Variants in MFHAS1 observed in about 807,000 individuals in gnomAD.
MFHAS1 encodes the protein malignant fibrous histiocytoma-amplified sequence 1.
Under a neutral mutation model 70.4 loss-of-function variants are expected in MFHAS1, and 50 were observed. The ratio of observed to expected loss-of-function variants is 0.71; its 90% CI spans 0.57 to 0.90. The LOEUF is 0.90. Among genes scored for constraint, MFHAS1 ranks in the 40% least tolerant of loss-of-function variants. MFHAS1 has a pLI of 0.00. For missense variants in MFHAS1, 1,795 were observed against 1,347.6 expected (o/e 1.33, Z -5.20); for synonymous variants, 952 against 620.0 (o/e 1.54, Z -7.96).
At chr8:8,883,693 G>C (rs35060319) in intron 1 of MFHAS1, among the ~76,000 whole-genome samples, 24,220 of 125,130 alleles carry the variant, frequency 0.19, 2,629 homozygotes, top group African/African-American at 0.3. Context: ...GGGCAACAGA[G>C]CGAGACTCAG....
intron 1 of MFHAS1, among the ~76,000 whole-genome samples, chr8:8,852,104 G>C (rs1563204225): frequency 1.3e-5 from 2 of 152,116 alleles, no homozygotes; most frequent in African/African-American, 4.8e-5. Flanking sequence ...CGCACCCTTA[G>C]CAGATATTCT....
rs1156579459 is a variant in MFHAS1, at chr8:8,796,696, A to AAAAAAAAAGGC, written c.3125+668_3125+669insGCCTTTTTTTT. Among the ~76,000 whole-genome samples, 12 of 97,408 alleles carry AAAAAAAAAGGC rather than the reference A, an allele frequency of 1.2e-4. 2 individuals are homozygous for AAAAAAAAAGGC. The highest frequency in any genetic ancestry group is 2.8e-4 in the Non-Finnish European group (12 of 42,990). 63.9% of individuals were successfully genotyped at this position (97,408 alleles called of 152,430 possible). On this transcript the variant is annotated intron_variant, in intron 2 of 2. Coordinates refer to ENST00000276282, the MANE Select transcript of MFHAS1 (RefSeq NM_004225.3). The stretch of plus-strand genomic sequence containing the variant: ...AAGACTCCGTCTCAAAACAAAAAAA[A>AAAAAAAAAGGC]AAAAAAAGGCAAAAAAAGGCCGGAC...
intron 1 of MFHAS1, among the ~76,000 whole-genome samples, chr8:8,888,601 T>C (rs531658160): frequency 6.6e-6 from 1 of 152,098 alleles, no homozygotes; most frequent in South Asian, 2.1e-4. Context: ...AACTAAAAAC[T>C]AGTTTGATAC....
intron 1 of MFHAS1, among the ~76,000 whole-genome samples, chr8:8,817,571 G>C (rs979581506): frequency 2.6e-5 from 4 of 152,204 alleles, no homozygotes; most frequent in Non-Finnish European, 2.9e-5. Flanking sequence ...AGTGCCCCTG[G>C]ACTCCATCCC....
At chr8:8,797,938 A>G (rs759310833) in intron 1 of MFHAS1, among the ~76,000 whole-genome samples, 4 of 152,246 alleles carry the variant, frequency 2.6e-5, no homozygotes, top group Non-Finnish European at 5.9e-5. Context: ...AGCCCTATAT[A>G]AATGATCTGG....
At chr8:8,853,387 C>T (rs1231346923) in intron 1 of MFHAS1, among the ~76,000 whole-genome samples, 1 of 149,070 alleles carries the variant, frequency 6.7e-6, no homozygotes, top group Non-Finnish European at 1.5e-5. Flanking sequence ...GGATCTGACT[C>T]GTAATTACAG....
Position 8,870,691 on chromosome 8 carries a change from G to C in MFHAS1, c.2998+19370C>G, listed in dbSNP as rs117005373. On this transcript the variant is annotated intron_variant, in intron 1 of 2. Coordinates refer to ENST00000276282, the MANE Select transcript of MFHAS1 (RefSeq NM_004225.3). ...CAGATTCCATCCCGCAGGCCTCTCC[G>C]AGCCCCTGGAGATCTTTTTCTCCTG... Among the ~76,000 whole-genome samples the C allele has an allele frequency of 1.3e-3, 194 of 151,958 alleles. 3 individuals are homozygous for C. The East Asian group carries it at 0.03, about 24-fold the overall frequency.
chr8:8,886,534 C>G (rs143255338), intron 1 of MFHAS1, among the ~76,000 whole-genome samples: 4 of 152,126 alleles, frequency 2.6e-5, no homozygotes, highest in Non-Finnish European at 5.9e-5. Context: ...CCGTGGTCAA[C>G]TACAGTAGGG....
At chr8:8,798,929 T>C (rs908614915) in intron 1 of MFHAS1, among the ~76,000 whole-genome samples, 1 of 152,058 alleles carries the variant, frequency 6.6e-6, no homozygotes, top group Admixed American at 6.6e-5. Context: ...GTGCCTGTAG[T>C]CCCAGCTACC....
At chr8:8,887,077 A>G (rs1413355218) in intron 1 of MFHAS1, among the ~76,000 whole-genome samples, 1 of 152,194 alleles carries the variant, frequency 6.6e-6, no homozygotes, top group Admixed American at 6.6e-5. Context: ...CAGTGAGTCA[A>G]GATCACTCCA....
At chr8:8,828,208 G>T (rs893419327) in intron 1 of MFHAS1, among the ~76,000 whole-genome samples, 1 of 152,142 alleles carries the variant, frequency 6.6e-6, no homozygotes, top group Non-Finnish European at 1.5e-5. Flanking sequence ...ACAACCAAGA[G>T]AATAAATTAA....
rs1805525666 is a variant in MFHAS1 at position 8,785,926 on chromosome 8, A to T, written c.*96T>A. The T allele has an allele frequency of 1.5e-6, 2 of 1,316,248 alleles. No individual in the cohort carries two copies. Among genetic ancestry groups the T allele is most frequent in the Admixed American group, 1.7e-5 (1 of 59,294 alleles). The allele number at this position is 1,316,248 out of a possible 1,614,324, so 81.5% of individuals were successfully genotyped here. A position where few individuals can be genotyped will look rare whatever the true frequency, so the allele number is the denominator to read the frequency against. Reference sequence around the variant, plus strand: ...GCGTTGTCACTCAAGTTCACAGAACACGCTGGGGTGAGTGCAGAGGGTCTG... The same window carrying T: ...GCGTTGTCACTCAAGTTCACAGAACTCGCTGGGGTGAGTGCAGAGGGTCTG... On this transcript the variant is annotated 3_prime_UTR_variant, in exon 3 of 3. Transcript: ENST00000276282.
At chr8:8,884,642 C>T (rs1440806949) in intron 1 of MFHAS1, among the ~76,000 whole-genome samples, 1 of 152,116 alleles carries the variant, frequency 6.6e-6, no homozygotes, top group Non-Finnish European at 1.5e-5. Flanking sequence ...CTGGGATTTT[C>T]ACTGAGTGTG....
chr8:8,855,816 A>C (rs1483363174), intron 1 of MFHAS1, among the ~76,000 whole-genome samples: 1 of 152,228 alleles, frequency 6.6e-6, no homozygotes, highest in Non-Finnish European at 1.5e-5. Context: ...AGATCACGCC[A>C]CTGCACTCCA....
chr8:8,835,174 T>C (rs974651867), intron 1 of MFHAS1, among the ~76,000 whole-genome samples: 3 of 88,550 alleles, frequency 3.4e-5, no homozygotes, highest in Admixed American at 1.5e-4. Flanking sequence ...GAGGGTACAT[T>C]TGGGGTAATG....
At chr8:8,874,112 T>G (rs534054838) in intron 1 of MFHAS1, among the ~76,000 whole-genome samples, 4 of 152,138 alleles carry the variant, frequency 2.6e-5, no homozygotes, top group Non-Finnish European at 5.9e-5. Context: ...TAGAGATTTG[T>G]CTTTTTCTAA....
In MFHAS1 at chr8:8,891,784, C is replaced by A; in HGVS notation, c.1275G>T (p.Leu425=). ...CTCTCTCCTCGGTGAGGCAGTGGCG[C>A]AGCAAAGTCTTTCCTGCAGCCTTAT... The part of the protein sequence containing the change: ...MGHKAAGKTL[L]RHCLTEERVE... Residue 425 remains leucine (L), a synonymous_variant, in exon 1 of 3, where the codon CTG becomes CTT. Transcript: ENST00000276282. The surrounding 1 kb of genome is among the most constrained non-coding windows in gnomAD (Gnocchi z 5.4). 2 of 1,613,368 alleles carry A rather than the reference C, an allele frequency of 1.2e-6. No individual in the cohort carries two copies. The highest frequency in any genetic ancestry group is 2.2e-5 in the South Asian group (2 of 91,084).
intron 1 of MFHAS1, among the ~76,000 whole-genome samples, chr8:8,811,776 G>A (rs780615200): frequency 1.3e-4 from 20 of 152,192 alleles, no homozygotes; most frequent in Non-Finnish European, 2.2e-4. Flanking sequence ...ATCCATCCCC[G>A]AATCCATAAG....
chr8:8,838,399 C>T (rs1807684586), intron 1 of MFHAS1, among the ~76,000 whole-genome samples: 1 of 152,154 alleles, frequency 6.6e-6, no homozygotes, highest in African/African-American at 2.4e-5. Flanking sequence ...TGTATGCAAA[C>T]TATACATCAT....
Sources: gnomAD v4.1 joint callset for allele counts (sites outside exome capture counted in the v4.1 genomes callset) on GRCh38, gnomAD v4.1.1 for gene constraint, Gnocchi (gnomAD v3.1) non-coding constraint, MANE v1.5 for transcripts, NCBI Gene and HGNC (gene_info 2026-07-23, HGNC 2026-07-21) for gene names.